The following NAALAD2 variants were observed in gnomAD, a reference collection of about 807,000 sequenced individuals.
NAALAD2 encodes the protein N-acetylated-alpha-linked acidic dipeptidase 2.
Under a neutral mutation model 95.6 loss-of-function variants are expected in NAALAD2, and 89 were observed. The ratio of observed to expected loss-of-function variants is 0.93; its 90% CI spans 0.78 to 1.11. The LOEUF is 1.11. Ranked by LOEUF, NAALAD2 falls within the 50% of genes least tolerant of loss-of-function variation. The pLI, the probability that NAALAD2 is intolerant of heterozygous loss-of-function variation, is 0.00. For synonymous variants in NAALAD2, 264 were observed against 294.4 expected, an observed-to-expected ratio of 0.90 and a Z score of 1.06; for missense variants, 894 against 872.4, an observed-to-expected ratio of 1.02 and a Z score of -0.31.
intron 14 of NAALAD2, among the ~76,000 whole-genome samples, chr11:90,175,144 A>G (rs1952751483): frequency 6.6e-6 from 1 of 152,344 alleles, no homozygotes; most frequent in South Asian, 2.1e-4. Context: ...CTCAACTTGT[A>G]CAAGCAAATA....
chr11:90,148,694 GC>G (rs1174026889), intron 3 of NAALAD2, among the ~76,000 whole-genome samples: 2 of 147,822 alleles, frequency 1.4e-5, no homozygotes, highest in Admixed American at 1.4e-4. Flanking sequence ...AAGAAAAGGA[GC>G]CCACAAAGGA....
intron 6 of NAALAD2, among the ~76,000 whole-genome samples, chr11:90,156,122 C>A (rs1272974898): frequency 2.0e-5 from 3 of 151,702 alleles, no homozygotes; most frequent in Non-Finnish European, 4.4e-5. Flanking sequence ...GTCATTTCTC[C>A]TTTAGTCCTG....
chr11:90,135,087 C>T, intron 1 of NAALAD2: 2 of 494,428 alleles, frequency 4.0e-6, no homozygotes, highest in African/African-American at 3.9e-5. Flanking sequence ...CTAAAGACAA[C>T]CTACAGCTGT....
Position 90,142,897 on chromosome 11 carries a change from G to C in NAALAD2, c.195-4433G>C, listed in dbSNP as rs568707471. On this transcript the variant is annotated intron_variant, in intron 2 of 18. Transcript: ENST00000534061. ...TATACTTTTTAGTGGATACTCTAAAGGTTATATTATACATCTGTAATGTTT... is the reference window on the plus strand; with the variant it reads ...TATACTTTTTAGTGGATACTCTAAACGTTATATTATACATCTGTAATGTTT... 9.2e-5 allele frequency among the ~76,000 whole-genome samples: 14 copies of C among 151,898 alleles called. No individual in the cohort carries two copies. The East Asian group carries it at 2.3e-3, about 25-fold the overall frequency.
intron 6 of NAALAD2, among the ~76,000 whole-genome samples, chr11:90,154,280 G>T (rs7929913): frequency 6.6e-6 from 1 of 151,696 alleles, no homozygotes; most frequent in African/African-American, 2.4e-5. Context: ...GTTAGCTCTA[G>T]GTTTTTTATA....
At chr11:90,147,556 G>T (rs541717268) in intron 3 of NAALAD2, 40 bp downstream of exon 3, 21 of 1,540,048 alleles carry the variant, frequency 1.4e-5, no homozygotes, top group South Asian at 2.4e-5. Context: ...TTTGCAATCC[G>T]ACCGTTTTAT....
intron 11 of NAALAD2, among the ~76,000 whole-genome samples, chr11:90,164,507 A>G (rs571527326): frequency 1.3e-5 from 2 of 152,290 alleles, no homozygotes; most frequent in East Asian, 3.9e-4. Context: ...ACGCAGTGGT[A>G]AACTTTTACT....
chr11:90,140,519 A>C (rs529697055), intron 2 of NAALAD2, among the ~76,000 whole-genome samples: 143 of 152,080 alleles, frequency 9.4e-4, no homozygotes, highest in African/African-American at 3.4e-3. Flanking sequence ...GCAAATCTCA[A>C]AAAAATTTTC....
chr11:90,163,100 T>C, intron 9 of NAALAD2, 66 bp downstream of exon 9: 1 of 1,312,770 alleles, frequency 7.6e-7, no homozygotes, highest in Non-Finnish European at 1.1e-6. Flanking sequence ...AAAGATAAAT[T>C]GTAGTCAACA....
At chr11:90,146,082 C>G (rs1213441306) in intron 2 of NAALAD2, among the ~76,000 whole-genome samples, 1 of 151,966 alleles carries the variant, frequency 6.6e-6, no homozygotes, top group Non-Finnish European at 1.5e-5. Context: ...CATTTATTAG[C>G]TGTAAAATTA....
At chr11:90,190,230 C>T (rs1857283172) in intron 18 of NAALAD2, among the ~76,000 whole-genome samples, 1 of 152,108 alleles carries the variant, frequency 6.6e-6, no homozygotes, top group African/African-American at 2.4e-5. Flanking sequence ...ACTTTTATCA[C>T]CATCATTTTT....
intron 2 of NAALAD2, among the ~76,000 whole-genome samples, chr11:90,146,343 A>ATTTTTTTTTTTTTTTTTTTTTTT (rs71477596): frequency 2.1e-5 from 1 of 47,944 alleles, no homozygotes; most frequent in African/African-American, 8.0e-5. Flanking sequence ...GGGGAGTTTA[A>ATTTTTTTTTTTTTTTTTTTTTTT]TTTTTTTTTT....
In NAALAD2 at chr11:90,145,938, G is replaced by A. The variant is rs560193525; in HGVS notation, c.195-1392G>A. Among the ~76,000 whole-genome samples the A allele has an allele frequency of 6.6e-5, 10 of 152,294 alleles. No individual in the cohort carries two copies. In the South Asian group the frequency reaches 1.7e-3, roughly 25 times the overall value. ...AGTGCTTTAGATGCCATGTTGGAGT[G>A]TGGACTTTCTAATGCAGGGTACAGG... On this transcript the variant is annotated intron_variant, in intron 2 of 18. Transcript: ENST00000534061.
chr11:90,136,363 G>A (rs1430248682), intron 2 of NAALAD2, among the ~76,000 whole-genome samples: 2 of 152,104 alleles, frequency 1.3e-5, no homozygotes, highest in Non-Finnish European at 2.9e-5. Flanking sequence ...TATGACAGAC[G>A]TATGCTATGC....
intron 8 of NAALAD2, among the ~76,000 whole-genome samples, chr11:90,161,270 A>G (rs1952289123): frequency 2.0e-5 from 3 of 151,604 alleles, no homozygotes. Flanking sequence ...CAGATTGTGC[A>G]TTTCAGTGGA....
At chr11:90,175,085 A>C (rs1311548305) in intron 14 of NAALAD2, among the ~76,000 whole-genome samples, 3 of 152,186 alleles carry the variant, frequency 2.0e-5, no homozygotes, top group African/African-American at 7.2e-5. Context: ...AGTTGGAAAA[A>C]AATCTGAAGT....
chr11:90,184,529 C>A (rs961395394), intron 18 of NAALAD2, among the ~76,000 whole-genome samples: 2 of 152,008 alleles, frequency 1.3e-5, no homozygotes, highest in Admixed American at 1.3e-4. Flanking sequence ...AAGCCGAAAG[C>A]CGTATCTACA....
intron 6 of NAALAD2, among the ~76,000 whole-genome samples, chr11:90,155,150 A>G (rs1952022494): frequency 7.7e-6 from 1 of 130,022 alleles, no homozygotes; most frequent in Admixed American, 8.8e-5. Context: ...ATATGTATAT[A>G]TGTGTGTATA....
At chr11:90,149,451 TG>T (rs1362225426) in intron 4 of NAALAD2, among the ~76,000 whole-genome samples, 3 of 152,172 alleles carry the variant, frequency 2.0e-5, no homozygotes, top group African/African-American at 7.2e-5. Flanking sequence ...TTTGTTTTTT[TG>T]AGACAGAGTT....
Sources: gnomAD v4.1 joint callset for allele counts (sites outside exome capture counted in the v4.1 genomes callset) on GRCh38, gnomAD v4.1.1 for gene constraint, MANE v1.5 for transcripts, NCBI Gene and HGNC (gene_info 2026-07-23, HGNC 2026-07-21) for gene names.